The following STARD3NL variants were observed in gnomAD, a reference collection of about 807,000 sequenced individuals.
STARD3NL encodes STARD3 N-terminal-like protein.
Under a neutral mutation model 30.9 loss-of-function variants are expected in STARD3NL, and 17 were observed. The ratio of observed to expected loss-of-function variants is 0.55; its 90% CI spans 0.38 to 0.82. The LOEUF is 0.82. Among genes scored for constraint, STARD3NL ranks in the 40% least tolerant of loss-of-function variants. The probability of loss-of-function intolerance (pLI) is 0.00; values close to 1 mark genes in which losing one functional copy is unlikely to be tolerated. For missense variants in STARD3NL, 234 were observed against 277.6 expected, an observed-to-expected ratio of 0.84 and a Z score of 1.12; for synonymous variants, 112 against 100.5, an observed-to-expected ratio of 1.11 and a Z score of -0.69.
At chr7:38,194,674 G>A (rs957324403) in intron 1 of STARD3NL, among the ~76,000 whole-genome samples, 2 of 151,806 alleles carry the variant, frequency 1.3e-5, no homozygotes, top group Non-Finnish European at 2.9e-5. Flanking sequence ...TTAGTAAATA[G>A]TACTACGTTA....
At chr7:38,198,702 G>T (rs1785037763) in intron 1 of STARD3NL, among the ~76,000 whole-genome samples, 1 of 152,214 alleles carries the variant, frequency 6.6e-6, no homozygotes, top group Admixed American at 6.5e-5. Flanking sequence ...AACAGGAGGT[G>T]CACAGTCTCT....
At chr7:38,217,405 A>G in intron 6 of STARD3NL, 100 bp downstream of exon 6, 1 of 1,073,678 alleles carries the variant, frequency 9.3e-7, no homozygotes, top group Non-Finnish European at 1.4e-6. Context: ...AAATGGGTAG[A>G]GTTAGGCAGT....
chr7:38,207,289 C>G (rs960841594), intron 1 of STARD3NL, among the ~76,000 whole-genome samples, 158 bp from the exon 2 acceptor site: 1 of 152,196 alleles, frequency 6.6e-6, no homozygotes, highest in Non-Finnish European at 1.5e-5. Flanking sequence ...TTATGTGTTG[C>G]TTCTCATTTC....
intron 7 of STARD3NL, among the ~76,000 whole-genome samples, chr7:38,226,977 CA>C (rs1786807444): frequency 6.6e-6 from 1 of 152,204 alleles, no homozygotes; most frequent in Non-Finnish European, 1.5e-5. Context: ...TGCAGTGTTT[CA>C]AACATAAACA....
intron 7 of STARD3NL, among the ~76,000 whole-genome samples, chr7:38,226,079 C>T (rs1446572553): frequency 6.6e-6 from 1 of 151,122 alleles, no homozygotes; most frequent in Non-Finnish European, 1.5e-5. Flanking sequence ...TTTTCTTTCA[C>T]TCAGAGATAG....
At chr7:38,185,428 C>A (rs1583770653) in intron 1 of STARD3NL, among the ~76,000 whole-genome samples, 1 of 152,018 alleles carries the variant, frequency 6.6e-6, no homozygotes, top group African/African-American at 2.4e-5. Flanking sequence ...TGATAGATAC[C>A]CCTGGGCATA....
At position 38,218,789 on chromosome 7, in the gene STARD3NL, T is replaced by G. The variant is rs142201855; in HGVS notation, c.554-776T>G. ...TAGTGTTCCTCAGCTGTCCACGTCC[T>G]GCTTTCTTACCTTTTCTTTGCTTTT... On this transcript the variant is annotated intron_variant, in intron 6 of 8. Coordinates refer to ENST00000009041, the MANE Select transcript of STARD3NL (RefSeq NM_032016.4). Among the ~76,000 whole-genome samples the G allele has an allele frequency of 3.5e-3, 533 of 152,356 alleles. 2 individuals carry two copies. Among genetic ancestry groups the G allele is most frequent in the Middle Eastern group, 6.8e-3 (2 of 294 alleles).
At chr7:38,193,207 G>A (rs568419179) in intron 1 of STARD3NL, among the ~76,000 whole-genome samples, 2 of 152,242 alleles carry the variant, frequency 1.3e-5, no homozygotes, top group East Asian at 1.9e-4. Flanking sequence ...AGTTGTGTTC[G>A]TGCATGCTTT....
chr7:38,220,999 C>T (rs969911325), intron 7 of STARD3NL, among the ~76,000 whole-genome samples: 5 of 152,040 alleles, frequency 3.3e-5, no homozygotes, highest in Admixed American at 6.6e-5. Context: ...CATACTATAA[C>T]ATGTATGAAC....
intron 2 of STARD3NL, among the ~76,000 whole-genome samples, chr7:38,211,956 T>C (rs1397114883): frequency 6.6e-6 from 1 of 152,214 alleles, no homozygotes; most frequent in Non-Finnish European, 1.5e-5. Context: ...TTTCTCCTTT[T>C]CCACTGTTTC....
intron 1 of STARD3NL, among the ~76,000 whole-genome samples, chr7:38,206,346 C>G (rs1254208313): frequency 1.3e-5 from 2 of 152,168 alleles, no homozygotes; most frequent in Non-Finnish European, 2.9e-5. Flanking sequence ...ATGCCACGTT[C>G]ATGGCTAAAG....
At chr7:38,192,701 T>A (rs1784735276) in intron 1 of STARD3NL, among the ~76,000 whole-genome samples, 1 of 152,192 alleles carries the variant, frequency 6.6e-6, no homozygotes, top group Non-Finnish European at 1.5e-5. Flanking sequence ...TTAATTTGCT[T>A]CTCTAAAAAA....
At position 38,205,457 on chromosome 7, in the gene STARD3NL, C is replaced by T. The variant is rs546207186; in HGVS notation, c.-58-1990C>T. Among the ~76,000 whole-genome samples the T allele has an allele frequency of 2.0e-5, 3 of 152,008 alleles. No individual in the cohort carries two copies. The East Asian group carries it at 5.8e-4, about 29-fold the overall frequency. ...TGATTTTTAATTTAGTTATCATAAC[C>T]CAGGCATTTTTTCTAAGTCATTATA... On this transcript the variant is annotated intron_variant, in intron 1 of 8. Coordinates refer to ENST00000009041, the MANE Select transcript of STARD3NL (RefSeq NM_032016.4).
chr7:38,225,701 C>T (rs73692134), intron 7 of STARD3NL, among the ~76,000 whole-genome samples: 13 of 151,504 alleles, frequency 8.6e-5, no homozygotes, highest in African/African-American at 3.1e-4. Flanking sequence ...AAGGTGAATA[C>T]TTATATGATT....
At chr7:38,189,150 G>GGGC (rs1478067028) in intron 1 of STARD3NL, among the ~76,000 whole-genome samples, 1 of 151,888 alleles carries the variant, frequency 6.6e-6, no homozygotes, top group African/African-American at 2.4e-5. Flanking sequence ...TCTGGGAAAA[G>GGGC]GGCAGAACAC....
At chr7:38,184,911 A>G (rs376479612) in intron 1 of STARD3NL, among the ~76,000 whole-genome samples, 76 of 151,246 alleles carry the variant, frequency 5.0e-4, no homozygotes, top group African/African-American at 1.3e-3. Flanking sequence ...TTTGAGAGCA[A>G]GTTTTTCAAG....
In STARD3NL at chr7:38,228,826, A is replaced by G. The variant is rs1172968854; in HGVS notation, c.677A>G (p.Asp226Gly). Residue 226 changes from aspartate (D) to glycine (G), a missense_variant, in exon 8 of 9, where the codon GAC becomes GGC. Transcript: ENST00000009041. ...TCTGAAGAAGCTGAAGAAAAACAGGACAGTGAGAAACCACTTTTAGAACTA... is the reference window on the plus strand; with the variant it reads ...TCTGAAGAAGCTGAAGAAAAACAGGGCAGTGAGAAACCACTTTTAGAACTA... ...AGSEEAEEKQ[D>G]SEKPLLEL 1 of 1,612,934 alleles carries G rather than the reference A, an allele frequency of 6.2e-7. No homozygotes were observed. The highest frequency in any genetic ancestry group is 1.7e-5 in the Admixed American group (1 of 59,998).
Position 38,230,487 on chromosome 7 carries a change from G to A in STARD3NL, c.*582G>A, listed in dbSNP as rs1174437522. The A allele has an allele frequency of 1.3e-5, 2 of 152,330 alleles. No individual in the cohort carries two copies. The highest frequency in any genetic ancestry group is 2.9e-5 in the Non-Finnish European group (2 of 68,022). 9.4% of individuals were successfully genotyped at this position (152,330 alleles called of 1,614,324 possible). A position where few individuals can be genotyped will look rare whatever the true frequency, so the allele number is the denominator to read the frequency against. ...TTGGACTTGCAAAAGGGGAAGAAAG[G>A]AATTGCGAATACATGTAAAATGTCA... is the stretch of plus-strand genomic sequence containing the variant. On this transcript the variant is annotated 3_prime_UTR_variant, in exon 9 of 9. Transcript: ENST00000009041.
chr7:38,214,966 C>T, intron 3 of STARD3NL, 62 bp from the exon 4 acceptor site: 1 of 1,469,300 alleles, frequency 6.8e-7, no homozygotes, highest in Non-Finnish European at 9.4e-7. Flanking sequence ...GTGAGTTTTT[C>T]ATAAAGCTGT....
Sources: allele counts gnomAD v4.1 joint callset (sites outside exome capture counted in the v4.1 genomes callset), GRCh38; gene constraint gnomAD v4.1.1; transcripts MANE v1.5; gene names NCBI Gene and HGNC (gene_info 2026-07-23, HGNC 2026-07-21).